The following DYNC1H1 variants were observed in gnomAD, a reference collection of about 807,000 sequenced individuals.
DYNC1H1 encodes cytoplasmic dynein 1 heavy chain 1.
In DYNC1H1, 51 loss-of-function variants were observed where a neutral mutation model predicts 527.1. The ratio of observed to expected loss-of-function variants is 0.10; its 90% CI spans 0.08 to 0.12. The LOEUF (loss-of-function observed/expected upper bound fraction) is 0.12. Among genes scored for constraint, DYNC1H1 ranks in the 10% least tolerant of loss-of-function variants. The probability of loss-of-function intolerance (pLI) is 1.00; values close to 1 mark genes in which losing one functional copy is unlikely to be tolerated. For missense variants in DYNC1H1, 2,771 were observed against 5,971.8 expected (o/e 0.46, Z 17.66); for synonymous variants, 2,189 against 2,278.8 (o/e 0.96, Z 1.12).
intron 34 of DYNC1H1, among the ~76,000 whole-genome samples, chr14:102,013,454 G>A (rs17512404): frequency 4.6e-4 from 70 of 152,072 alleles, no homozygotes; most frequent in African/African-American, 1.5e-3. Flanking sequence ...TGAGGGAGTA[G>A]GTCCCAAGTC....
intron 2 of DYNC1H1, among the ~76,000 whole-genome samples, chr14:101,978,289 G>A (rs1185846460): frequency 1.3e-5 from 2 of 152,006 alleles, no homozygotes; most frequent in East Asian, 1.9e-4. Flanking sequence ...CGCCTGCCTC[G>A]GCCTCCCAAA....
At position 102,050,204 on chromosome 14, in the gene DYNC1H1, G is replaced by A. The variant is rs1258593391; in HGVS notation, c.13812+6G>A. The A allele has an allele frequency of 1.2e-6, 2 of 1,613,898 alleles. No individual in the cohort carries two copies. The highest frequency in any genetic ancestry group is 1.7e-6 in the Non-Finnish European group (2 of 1,180,032). On this transcript the variant is annotated splice_donor_region_variant and intron_variant, in intron 77 of 77. Transcript: ENST00000360184. ...CCGAGAAGAAGGCCAGTGTGGTAAG[G>A]AGGCACTGCCTTTCCCAGGCATTCT...
At chr14:102,047,399 C>T (rs1172368948) in intron 72 of DYNC1H1, among the ~76,000 whole-genome samples, 1 of 151,396 alleles carries the variant, frequency 6.6e-6, no homozygotes, top group Non-Finnish European at 1.5e-5. Context: ...TAGCCAGGCG[C>T]GGTGCCACAT....
rs747999277 is a variant in DYNC1H1, at chr14:102,041,979, G to A, written c.12103-34G>A. Reference sequence around the variant, plus strand: ...CTTGACAGGTACACACTATTTGCTGGCACTGTAATAACTTCTGCCTTCTTT... The same window carrying A: ...CTTGACAGGTACACACTATTTGCTGACACTGTAATAACTTCTGCCTTCTTT... On this transcript the variant is annotated intron_variant, in intron 65 of 77. Coordinates refer to ENST00000360184, the MANE Select transcript of DYNC1H1 (RefSeq NM_001376.5). This position sits in a 1 kb window ranked among gnomAD's most constrained non-coding sequence, Gnocchi z 4.5. 2.1e-5 allele frequency: 33 copies of A among 1,604,932 alleles called. No individual in the cohort carries two copies. The highest frequency in any genetic ancestry group is 2.7e-5 in the African/African-American group (2 of 74,686).
chr14:102,036,331 A>G lies in DYNC1H1; in HGVS notation c.10755-158A>G. ...GAGGTGATGTTAGCATTAAGCATGT[A>G]AGCTTTATTGGTAAACCTGAAAACG... On this transcript the variant is annotated intron_variant, in intron 56 of 77. Transcript: ENST00000360184. This position sits in a 1 kb window ranked among gnomAD's most constrained non-coding sequence, Gnocchi z 5.6. The G allele has an allele frequency of 1.2e-6, 1 of 856,948 alleles. No individual in the cohort carries two copies. Among genetic ancestry groups the G allele is most frequent in the South Asian group, 1.5e-5 (1 of 68,700 alleles). The allele number at this position is 856,948 out of a possible 1,614,324, so 53.1% of individuals were successfully genotyped here. A position where few individuals can be genotyped will look rare whatever the true frequency, so the allele number is the denominator to read the frequency against.
intron 2 of DYNC1H1, among the ~76,000 whole-genome samples, chr14:101,977,023 G>T (rs1262410197): frequency 6.6e-6 from 1 of 152,284 alleles, no homozygotes. Flanking sequence ...GCGGATTTTG[G>T]TGTTCCAGGG....
chr14:102,004,454 T>TA (rs2048173882), intron 23 of DYNC1H1, 64 bp from the exon 24 acceptor site: 1 of 1,523,512 alleles, frequency 6.6e-7, no homozygotes, highest in Non-Finnish European at 8.9e-7. Context: ...TTTGAAATCT[T>TA]ACCTTGATTC....
intron 16 of DYNC1H1, 91 bp from the exon 17 acceptor site, chr14:101,999,898 C>T: frequency 6.3e-7 from 1 of 1,581,430 alleles, no homozygotes; most frequent in Non-Finnish European, 8.6e-7. Context: ...CGTCCAGAAG[C>T]CCTGCAGGCT....
At chr14:101,973,803 CTAAA>C (rs1468110275) in intron 1 of DYNC1H1, among the ~76,000 whole-genome samples, 2 of 151,966 alleles carry the variant, frequency 1.3e-5, no homozygotes, top group African/African-American at 4.8e-5. Flanking sequence ...GACATTGTCT[CTAAA>C]TAAATAAATT....
In DYNC1H1 at chr14:102,039,874, G is replaced by T; in HGVS notation, c.11690+142G>T. ...ATTTTTTGAGACGGAGTCTCCCTTT[G>T]TTGCCTAGGCTGGAGTGCCGTGGTG... On this transcript the variant is annotated intron_variant, in intron 62 of 77. Transcript: ENST00000360184. This position sits in a 1 kb window ranked among gnomAD's most constrained non-coding sequence, Gnocchi z 7.0. 3 of 1,146,350 alleles carry T rather than the reference G, an allele frequency of 2.6e-6. No individual in the cohort carries two copies. The highest frequency in any genetic ancestry group is 3.7e-6 in the Non-Finnish European group (3 of 803,642). The allele number at this position is 1,146,350 out of a possible 1,614,324, so 71.0% of individuals were successfully genotyped here. A position where few individuals can be genotyped will look rare whatever the true frequency, so the allele number is the denominator to read the frequency against.
intron 1 of DYNC1H1, among the ~76,000 whole-genome samples, chr14:101,974,566 G>T (rs551877385): frequency 1.3e-5 from 2 of 152,334 alleles, no homozygotes; most frequent in African/African-American, 4.8e-5. Flanking sequence ...AGTACTAGAT[G>T]TAGAGGTTTA....
Position 102,038,531 on chromosome 14 carries a change from G to A in DYNC1H1, c.10980G>A (p.Val3660=), listed in dbSNP as rs755970001. 3.1e-6 allele frequency: 5 copies of A among 1,614,176 alleles called. No homozygotes were observed. Among genetic ancestry groups the A allele is most frequent in the Middle Eastern group, 1.6e-4 (1 of 6,062 alleles). Residue 3660 remains valine (V), a synonymous_variant, in exon 58 of 78, where the codon GTG becomes GTA. Coordinates refer to ENST00000360184, the MANE Select transcript of DYNC1H1 (RefSeq NM_001376.5). The surrounding 1 kb of genome is among the most constrained non-coding windows in gnomAD (Gnocchi z 7.2). The part of the protein sequence containing the change: ...NREVRRTGGR[V]LITLGDQDID... Reference sequence around the variant, plus strand: ...AAGTGCGGCGAACAGGGGGGAGAGTGCTGATCACTCTCGGGGACCAGGACA... The same window carrying A: ...AAGTGCGGCGAACAGGGGGGAGAGTACTGATCACTCTCGGGGACCAGGACA...
intron 9 of DYNC1H1, 28 bp from the exon 10 acceptor site, chr14:101,988,675 C>G (rs1183213741): frequency 6.2e-7 from 1 of 1,613,898 alleles, no homozygotes. Flanking sequence ...AGAAGAAACA[C>G]TGTTCTCTGA....
chr14:101,986,063 A>C lies in DYNC1H1; in HGVS notation c.1838A>C (p.Lys613Thr). 1 of 1,614,246 alleles carries C rather than the reference A, an allele frequency of 6.2e-7. No homozygotes were observed. Among genetic ancestry groups the C allele is most frequent in the Non-Finnish European group, 8.5e-7 (1 of 1,180,034 alleles). ...EYQTQLIQRV[K>T]DDIESLHDKF... ...CAGACCCAGCTGATCCAGCGCGTGAAAGATGACATTGAGTCTCTTCACGAC... is the reference window on the plus strand; with the variant it reads ...CAGACCCAGCTGATCCAGCGCGTGACAGATGACATTGAGTCTCTTCACGAC... Residue 613 changes from lysine (K) to threonine (T), a missense_variant, in exon 8 of 78, where the codon AAA becomes ACA. Coordinates refer to ENST00000360184, the MANE Select transcript of DYNC1H1 (RefSeq NM_001376.5). The surrounding 1 kb of genome is among the most constrained non-coding windows in gnomAD (Gnocchi z 8.7).
intron 43 of DYNC1H1, chr14:102,023,500 GAT>G (rs2048412336): frequency 5.4e-6 from 1 of 185,090 alleles, no homozygotes; most frequent in Admixed American, 5.4e-5. Flanking sequence ...GGTGAGCTGA[GAT>G]CGCGCCATTG....
At chr14:102,021,503 C>T (rs2048383312) in intron 42 of DYNC1H1, among the ~76,000 whole-genome samples, 1 of 152,050 alleles carries the variant, frequency 6.6e-6, no homozygotes, top group Admixed American at 6.6e-5. Context: ...TTCACTAGAC[C>T]CTCACCTGGT....
chr14:102,021,252 C>T (rs926695581), intron 42 of DYNC1H1, among the ~76,000 whole-genome samples: 5 of 152,098 alleles, frequency 3.3e-5, no homozygotes, highest in Non-Finnish European at 5.9e-5. Flanking sequence ...TGACGTGTAC[C>T]TGTAGTCCCA....
chr14:102,018,216 G>C lies in DYNC1H1; in HGVS notation c.8178-235G>C, dbSNP rs1470761173. The stretch of plus-strand genomic sequence containing the variant: ...CAAGATGAGCCTGAAATAAGCCTTG[G>C]TTATTTTTTCATCTTTGCTGGTTTT... On this transcript the variant is annotated intron_variant, in intron 40 of 77. Coordinates refer to ENST00000360184, the MANE Select transcript of DYNC1H1 (RefSeq NM_001376.5). The surrounding 1 kb of genome is among the most constrained non-coding windows in gnomAD (Gnocchi z 5.2). 6.6e-6 allele frequency among the ~76,000 whole-genome samples: 1 copy of C among 152,218 alleles called. No individual in the cohort carries two copies. The highest frequency in any genetic ancestry group is 1.5e-5 in the Non-Finnish European group (1 of 68,028).
At chr14:101,982,743 C>T (rs1484263720) in intron 5 of DYNC1H1, among the ~76,000 whole-genome samples, 1 of 145,422 alleles carries the variant, frequency 6.9e-6, no homozygotes, top group Non-Finnish European at 1.5e-5. Flanking sequence ...TTGAGGGCCA[C>T]TGATATAGAA....
Sources: gnomAD v4.1 joint callset for allele counts (sites outside exome capture counted in the v4.1 genomes callset) on GRCh38, gnomAD v4.1.1 for gene constraint, Gnocchi (gnomAD v3.1) non-coding constraint, MANE v1.5 for transcripts, NCBI Gene and HGNC (gene_info 2026-07-23, HGNC 2026-07-21) for gene names.